Variants in AFDN observed in about 807,000 individuals in gnomAD.
The protein encoded by AFDN is afadin, adherens junction formation factor.
Under a neutral mutation model 216.6 loss-of-function variants are expected in AFDN, and 68 were observed. That is an observed-to-expected ratio of 0.31 (90% CI 0.26 to 0.38). AFDN has a LOEUF of 0.38. Among genes scored for constraint, AFDN ranks in the 10% least tolerant of loss-of-function variants. The pLI is 1.00. For synonymous variants in AFDN, 868 were observed against 853.7 expected (o/e 1.02, Z -0.29); for missense variants, 2,136 against 2,342.0 (o/e 0.91, Z 1.82).
chr6:167,950,107 C>G (rs951580019), intron 29 of AFDN, among the ~76,000 whole-genome samples: 4 of 152,132 alleles, frequency 2.6e-5, no homozygotes, highest in Non-Finnish European at 5.9e-5. Flanking sequence ...ACTCTGTGTA[C>G]TAAGTAAAGC....
intron 21 of AFDN, among the ~76,000 whole-genome samples, chr6:167,920,684 T>C (rs1425645973): frequency 2.0e-5 from 3 of 152,216 alleles, no homozygotes; most frequent in Non-Finnish European, 4.4e-5. Context: ...TGACATCATC[T>C]TCCAGCCTTA....
chr6:167,947,718 AT>A (rs374211014), intron 27 of AFDN, 134 bp from the exon 28 acceptor site: 5,620 of 475,214 alleles, frequency 0.012, no homozygotes, highest in South Asian at 0.016. Flanking sequence ...ACCTGCCTTG[AT>A]TTTTTTTTTT....
intron 1 of AFDN, among the ~76,000 whole-genome samples, chr6:167,834,577 G>A (rs1449980224): frequency 6.8e-6 from 1 of 146,782 alleles, no homozygotes; most frequent in Non-Finnish European, 1.5e-5. Flanking sequence ...TGCCACCCAT[G>A]GAACGATTCT....
At chr6:167,939,957 ATC>A (rs775584327) in intron 23 of AFDN, among the ~76,000 whole-genome samples, 1 of 152,224 alleles carries the variant, frequency 6.6e-6, no homozygotes, top group Non-Finnish European at 1.5e-5. Flanking sequence ...TGTATATTTT[ATC>A]TTTTATTTTT....
intron 23 of AFDN, among the ~76,000 whole-genome samples, chr6:167,930,478 A>C (rs984314364): frequency 1.3e-5 from 2 of 152,198 alleles, no homozygotes; most frequent in African/African-American, 2.4e-5. Context: ...AGTGGAAGTC[A>C]GTGCTGAACT....
At chr6:167,836,349 TA>T (rs1326862480) in intron 1 of AFDN, among the ~76,000 whole-genome samples, 1 of 152,226 alleles carries the variant, frequency 6.6e-6, no homozygotes, top group Non-Finnish European at 1.5e-5. Flanking sequence ...CTCCCAAATA[TA>T]AACTCTTGAG....
intron 4 of AFDN, among the ~76,000 whole-genome samples, chr6:167,873,456 A>G (rs1168097943): frequency 6.6e-6 from 1 of 152,206 alleles, no homozygotes; most frequent in East Asian, 1.9e-4. Context: ...TGGTGTACTT[A>G]TAGATTGTTC....
chr6:167,872,517 T>A (rs1784902720), intron 4 of AFDN, 140 bp downstream of exon 4: 2 of 905,364 alleles, frequency 2.2e-6, no homozygotes, highest in East Asian at 2.4e-5. Context: ...TACTCCCAGC[T>A]CTTCTGTGTG....
chr6:167,891,711 A>T (rs866966800), intron 8 of AFDN, among the ~76,000 whole-genome samples: 2 of 152,136 alleles, frequency 1.3e-5, no homozygotes, highest in South Asian at 2.1e-4. Context: ...TAGAGTGTAT[A>T]TTTGCACATA....
At chr6:167,874,498 A>C (rs1426565886) in intron 4 of AFDN, among the ~76,000 whole-genome samples, 1 of 152,126 alleles carries the variant, frequency 6.6e-6, no homozygotes, top group Admixed American at 6.5e-5. Context: ...CTGTTGGAGC[A>C]ATTAATTCTT....
At position 167,950,003 on chromosome 6, in the gene AFDN, A is replaced by G. The variant is rs144550381; in HGVS notation, c.3832-1183A>G. 2.3e-3 allele frequency among the ~76,000 whole-genome samples: 351 copies of G among 152,324 alleles called. 4 individuals carry two copies. The highest frequency in any genetic ancestry group is 7.5e-3 in the African/African-American group (313 of 41,570). On this transcript the variant is annotated intron_variant, in intron 29 of 33. Coordinates refer to ENST00000683244, the MANE Select transcript of AFDN (RefSeq NM_001386888.1). ...GTGCAAAGTCTTAAGGGAGCAGAGA[A>G]GTGACTCAGGTCAGCCCTTCCGGCA...
At chr6:167,946,967 C>T in intron 27 of AFDN, 66 bp downstream of exon 27, 3 of 1,389,254 alleles carry the variant, frequency 2.2e-6, no homozygotes, top group Non-Finnish European at 3.0e-6. Flanking sequence ...AGAGGAGGCA[C>T]TTTGTGGTTT....
chr6:167,952,424 CTTGA>C (rs1164489506), intron 30 of AFDN: 1 of 985,182 alleles, frequency 1.0e-6, no homozygotes, highest in African/African-American at 1.7e-5. Context: ...TCAAATGGAA[CTTGA>C]TTGTTTTCAT....
At chr6:167,860,972 A>G (rs1338995621) in intron 1 of AFDN, among the ~76,000 whole-genome samples, 1 of 152,194 alleles carries the variant, frequency 6.6e-6, no homozygotes, top group Non-Finnish European at 1.5e-5. Flanking sequence ...CCAGCAGAGC[A>G]TGGTGATGTA....
At position 167,970,653 on chromosome 6, in the gene AFDN, G is replaced by C. The variant is rs1335021139; in HGVS notation, c.*718G>C. 4.8e-6 allele frequency: 1 copy of C among 209,222 alleles called. No homozygotes were observed. Among genetic ancestry groups the C allele is most frequent in the Admixed American group, 5.9e-5 (1 of 16,892 alleles). The allele number at this position is 209,222 out of a possible 1,614,324, so 13.0% of individuals were successfully genotyped here. On this transcript the variant is annotated 3_prime_UTR_variant, in exon 34 of 34. Coordinates refer to ENST00000683244, the MANE Select transcript of AFDN (RefSeq NM_001386888.1). ...AAATTTTGAGGATTTAAGCTTAGGG[G>C]ATTTTATTTTTATAAATACCAGATT...
chr6:167,870,262 T>C (rs1784646960), intron 2 of AFDN, 124 bp from the exon 3 acceptor site: 4 of 603,160 alleles, frequency 6.6e-6, no homozygotes, highest in African/African-American at 3.8e-5. Flanking sequence ...TTTTGAACAA[T>C]ACATTTCAGT....
intron 1 of AFDN, among the ~76,000 whole-genome samples, chr6:167,858,139 GCTGA>G (rs1394166716): frequency 3.3e-5 from 5 of 152,128 alleles, no homozygotes; most frequent in Non-Finnish European, 7.4e-5. Flanking sequence ...TTTCCATAAT[GCTGA>G]CTAAGAGTTT....
rs577535967 is a variant in AFDN, at chr6:167,908,979, A to G, written c.1769+1690A>G. Among the ~76,000 whole-genome samples the G allele has an allele frequency of 2.0e-5, 3 of 152,268 alleles. No individual in the cohort carries two copies. The South Asian group carries it at 6.2e-4, about 32-fold the overall frequency. On this transcript the variant is annotated intron_variant, in intron 13 of 33. Coordinates refer to ENST00000683244, the MANE Select transcript of AFDN (RefSeq NM_001386888.1). ...TTTTGAATGGAGGGGACGACTTTTA[A>G]TTGTCACTAAATTTTTTTTTCTTTT...
chr6:167,891,317 A>T (rs554355441), intron 8 of AFDN, among the ~76,000 whole-genome samples: 5 of 151,250 alleles, frequency 3.3e-5, no homozygotes, highest in Admixed American at 6.6e-5. Flanking sequence ...AATCCCTAAA[A>T]TTTTTTTTTC....
Sources: gnomAD v4.1 joint callset for allele counts (sites outside exome capture counted in the v4.1 genomes callset) on GRCh38, gnomAD v4.1.1 for gene constraint, MANE v1.5 for transcripts, NCBI Gene and HGNC (gene_info 2026-07-23, HGNC 2026-07-21) for gene names.